Variants in COL4A1 observed in about 807,000 individuals in gnomAD.
COL4A1 encodes collagen alpha-1(IV) chain.
A neutral mutation model predicts 216.6 loss-of-function variants in COL4A1; 40 were observed. The observed-to-expected ratio is 0.18, with a 90% CI of 0.14 to 0.24. COL4A1 has a LOEUF of 0.24. Among genes scored for constraint, COL4A1 ranks in the 10% least tolerant of loss-of-function variants. The probability of loss-of-function intolerance (pLI) is 1.00; values close to 1 mark genes in which losing one functional copy is unlikely to be tolerated. For missense variants in COL4A1, 1,628 were observed against 2,196.8 expected (o/e 0.74, Z 5.18); for synonymous variants, 839 against 810.7 (o/e 1.03, Z -0.59).
At chr13:110,263,994 AGT>A (rs1312903209) in intron 1 of COL4A1, among the ~76,000 whole-genome samples, 1 of 152,352 alleles carries the variant, frequency 6.6e-6, no homozygotes, top group African/African-American at 2.4e-5. Flanking sequence ...CAAAAGAAAA[AGT>A]TCAGGACATC....
intron 1 of COL4A1, among the ~76,000 whole-genome samples, chr13:110,300,554 T>C (rs1884452869): frequency 6.6e-6 from 1 of 152,224 alleles, no homozygotes; most frequent in Non-Finnish European, 1.5e-5. Context: ...AATTGAGCAA[T>C]GTTTATTTAA....
In COL4A1 at chr13:110,173,895, CA is replaced by C. The variant is rs749942977; in HGVS notation, c.3505+4del. On this transcript the variant is annotated splice_donor_region_variant and intron_variant, in intron 40 of 51. Transcript: ENST00000375820. ...TCTGATAGGGAATGGGGCGTTGGGC[CA>C]TACCTGGTTCACCCTTCTCTCCTGC... The C allele has an allele frequency of 7.4e-6, 12 of 1,614,074 alleles. No individual in the cohort carries two copies. Among genetic ancestry groups the C allele is most frequent in the Non-Finnish European group, 1.0e-5 (12 of 1,180,042 alleles).
In COL4A1 at chr13:110,203,551, A is replaced by G. The variant is rs1165496103; in HGVS notation, c.999+15T>C. 3 of 1,613,392 alleles carry G rather than the reference A, an allele frequency of 1.9e-6. No individual in the cohort carries two copies. The highest frequency in any genetic ancestry group is 2.2e-5 in the East Asian group (1 of 44,644). On this transcript the variant is annotated intron_variant, in intron 18 of 51. Transcript: ENST00000375820. ...CCAGCGCTCTCACAGACCCAGGGAC[A>G]GCACTCTTACTCACAATTCCAGGTG...
chr13:110,249,994 T>G (rs942055740), intron 1 of COL4A1, among the ~76,000 whole-genome samples: 7 of 152,204 alleles, frequency 4.6e-5, no homozygotes, highest in African/African-American at 1.4e-4. Flanking sequence ...TCATTTGTTT[T>G]GACTAATGTA....
intron 1 of COL4A1, among the ~76,000 whole-genome samples, chr13:110,261,417 G>A (rs141809250): frequency 1.3e-5 from 2 of 152,372 alleles, no homozygotes; most frequent in African/African-American, 4.8e-5. Flanking sequence ...CTGGTTTGCT[G>A]CTGCGTTCTC....
chr13:110,306,191 C>T (rs188682553), intron 1 of COL4A1, among the ~76,000 whole-genome samples: 202 of 152,176 alleles, frequency 1.3e-3, no homozygotes, highest in Non-Finnish European at 2.5e-3. Context: ...AGCACATAAC[C>T]AAAGGAAATG....
In COL4A1 at chr13:110,167,227, T is replaced by A; in HGVS notation, c.3880A>T (p.Ile1294Phe). 6.2e-7 allele frequency: 1 copy of A among 1,612,706 alleles called. No homozygotes were observed. Among genetic ancestry groups the A allele is most frequent in the South Asian group, 1.1e-5 (1 of 91,050 alleles). ...CCTGTGATTCCTGGAGAGCCACCAATACCCTAGACACGCAAAGAGGAGGTT... is the reference window on the plus strand; with the variant it reads ...CCTGTGATTCCTGGAGAGCCACCAAAACCCTAGACACGCAAAGAGGAGGTT... ...GDPGFQGMPG[I>F]GGSPGITGSK... The change falls in exon 44 of 52, where the codon ATT (isoleucine) becomes TTT (phenylalanine). Residue 1294 changes from isoleucine to phenylalanine, a missense_variant. Around this residue, in one of 8 missense-constraint regions of COL4A1, gnomAD observed 345 missense variants for 476.9 expected, o/e 0.72. Transcript: ENST00000375820.
At chr13:110,219,880 A>ATATATATGTG (rs1880367120) in intron 2 of COL4A1, among the ~76,000 whole-genome samples, 1 of 103,112 alleles carries the variant, frequency 9.7e-6, no homozygotes, top group Admixed American at 1.1e-4. Flanking sequence ...GTATATATGT[A>ATATATATGTG]TATATATGTG....
intron 2 of COL4A1, among the ~76,000 whole-genome samples, chr13:110,239,139 T>C (rs556431683): frequency 9.2e-5 from 14 of 152,274 alleles, no homozygotes; most frequent in African/African-American, 2.6e-4. Flanking sequence ...AATTTAACTG[T>C]TGAACTCAGA....
chr13:110,177,830 C>T lies in COL4A1; in HGVS notation c.2716+12G>A, dbSNP rs752822862. ...ACACAAAATGAGCTTCTAGGGTTAT[C>T]AGCTCCCCTACCTTTTTCACCCGGT... On this transcript the variant is annotated intron_variant, in intron 33 of 51. Coordinates refer to ENST00000375820, the MANE Select transcript of COL4A1 (RefSeq NM_001845.6). 1 of 1,613,230 alleles carries T rather than the reference C, an allele frequency of 6.2e-7. No individual in the cohort carries two copies.
intron 20 of COL4A1, among the ~76,000 whole-genome samples, chr13:110,199,712 A>C (rs992973259): frequency 2.6e-5 from 4 of 152,100 alleles, no homozygotes; most frequent in African/African-American, 9.7e-5. Flanking sequence ...CGACTTTGGG[A>C]GGGGGACGTG....
rs778280294 is a variant in COL4A1, at chr13:110,195,153, C to G, written c.1286-35G>C. On this transcript the variant is annotated intron_variant, in intron 21 of 51. Coordinates refer to ENST00000375820, the MANE Select transcript of COL4A1 (RefSeq NM_001845.6). ...AGTTGTCAGAGTTATAGGATCATAG[C>G]TAGGTGTTTTTACCCTCTCCTAACT... The G allele has an allele frequency of 6.3e-6, 10 of 1,584,156 alleles. No individual in the cohort carries two copies. The South Asian group carries it at 6.6e-5, about 11-fold the overall frequency.
At chr13:110,181,878 C>T (rs886358121) in intron 28 of COL4A1, among the ~76,000 whole-genome samples, 3 of 152,190 alleles carry the variant, frequency 2.0e-5, no homozygotes, top group Admixed American at 2.0e-4. Context: ...GCTCTGGAAG[C>T]TCTGATGGGC....
At chr13:110,297,357 T>C (rs1051579356) in intron 1 of COL4A1, among the ~76,000 whole-genome samples, 1 of 152,160 alleles carries the variant, frequency 6.6e-6, no homozygotes, top group Non-Finnish European at 1.5e-5. Context: ...TGAAATCTTA[T>C]GATATGGCAG....
chr13:110,188,843 G>T (rs1244653871), intron 24 of COL4A1, among the ~76,000 whole-genome samples: 1 of 152,160 alleles, frequency 6.6e-6, no homozygotes, highest in Non-Finnish European at 1.5e-5. Flanking sequence ...AGGAACGGGA[G>T]AAGCTGCTCT....
intron 25 of COL4A1, 89 bp from the exon 26 acceptor site, chr13:110,186,642 A>G: frequency 6.7e-7 from 1 of 1,500,890 alleles, no homozygotes; most frequent in South Asian, 1.2e-5. Flanking sequence ...GTGGTCAATA[A>G]GTACTAGAGT....
At chr13:110,188,534 C>T (rs1051511366) in intron 24 of COL4A1, among the ~76,000 whole-genome samples, 5 of 152,242 alleles carry the variant, frequency 3.3e-5, no homozygotes, top group Admixed American at 1.3e-4. Context: ...GAAGCTGATA[C>T]TCAAAGAAGT....
At chr13:110,259,921 C>T (rs528703362) in intron 1 of COL4A1, among the ~76,000 whole-genome samples, 3 of 152,304 alleles carry the variant, frequency 2.0e-5, no homozygotes, top group Admixed American at 6.5e-5. Context: ...GCTTCCCAGA[C>T]GCTCTTCCTT....
intron 44 of COL4A1, 89 bp from the exon 45 acceptor site, chr13:110,166,392 C>T: frequency 1.2e-6 from 1 of 839,928 alleles, no homozygotes; most frequent in Non-Finnish European, 2.1e-6. Flanking sequence ...AGTGCACACA[C>T]ATACATGTAC....
Sources: gnomAD v4.1 joint callset for allele counts (sites outside exome capture counted in the v4.1 genomes callset) on GRCh38, gnomAD v4.1.1 for gene constraint, gnomAD v4.1.1 regional missense constraint, MANE v1.5 for transcripts, NCBI Gene and HGNC (gene_info 2026-07-23, HGNC 2026-07-21) for gene names.